The following SYT9 variants were observed in gnomAD, a reference collection of about 807,000 sequenced individuals.
SYT9 encodes synaptotagmin-9.
Under a neutral mutation model 48.4 loss-of-function variants are expected in SYT9, and 22 were observed. The ratio of observed to expected loss-of-function variants is 0.45; its 90% CI spans 0.32 to 0.65. SYT9 has a LOEUF of 0.65. Among genes scored for constraint, SYT9 ranks in the 30% least tolerant of loss-of-function variants. The probability of loss-of-function intolerance (pLI) is 0.03; values close to 1 mark genes in which losing one functional copy is unlikely to be tolerated. For synonymous variants in SYT9, 265 were observed against 245.0 expected, an observed-to-expected ratio of 1.08 and a Z score of -0.76; for missense variants, 577 against 622.0, an observed-to-expected ratio of 0.93 and a Z score of 0.77.
At chr11:7,342,913 C>G (rs1849738496) in intron 3 of SYT9, among the ~76,000 whole-genome samples, 1 of 152,240 alleles carries the variant, frequency 6.6e-6, no homozygotes, top group African/African-American at 2.4e-5. Flanking sequence ...TGTGCACCCA[C>G]AGGCTCAACA....
intron 3 of SYT9, among the ~76,000 whole-genome samples, chr11:7,375,286 T>G (rs946908119): frequency 3.9e-5 from 6 of 152,220 alleles, no homozygotes; most frequent in Non-Finnish European, 2.9e-5. Flanking sequence ...ATGTATCTTT[T>G]GGTACCAGTA....
Position 7,432,583 on chromosome 11 carries a change from ATATATATACATAT to A in SYT9, c.1467+11949_1467+11961del, listed in dbSNP as rs1301828760. Among the ~76,000 whole-genome samples the A allele has an allele frequency of 7.2e-3, 21 of 2,900 alleles. 1 individual carries two copies. The highest frequency in any genetic ancestry group is 0.048 in the South Asian group (3 of 62). 1.9% of individuals were successfully genotyped at this position (2,900 alleles called of 152,430 possible). On this transcript the variant is annotated intron_variant, in intron 6 of 6. Transcript: ENST00000318881. ...AAAAAAAAAAAAAAAAAAAAAAAAA[ATATATATACATAT>A]ATATATATATATATATATATATATA...
chr11:7,462,855 C>A (rs1848259543), intron 6 of SYT9, among the ~76,000 whole-genome samples: 1 of 152,134 alleles, frequency 6.6e-6, no homozygotes, highest in Non-Finnish European at 1.5e-5. Context: ...GAGATATTAT[C>A]TAATGTTTCA....
chr11:7,438,619 C>T (rs1847761233), intron 6 of SYT9: 2 of 152,494 alleles, frequency 1.3e-5, no homozygotes, highest in South Asian at 4.1e-4. Context: ...CTGCCCTCTT[C>T]CAACCTGGCT....
intron 6 of SYT9, chr11:7,439,403 C>T (rs774595601): frequency 2.0e-5 from 3 of 152,262 alleles, no homozygotes; most frequent in Admixed American, 6.5e-5. Flanking sequence ...CGTGTCTAAT[C>T]TCAAGCAGCC....
chr11:7,312,262 T>G (rs1230566900), intron 2 of SYT9, among the ~76,000 whole-genome samples: 1 of 152,178 alleles, frequency 6.6e-6, no homozygotes, highest in Non-Finnish European at 1.5e-5. Context: ...CTTAATTCCA[T>G]TTTTACGTCT....
intron 6 of SYT9, among the ~76,000 whole-genome samples, chr11:7,432,758 A>G (rs1160928859): frequency 6.6e-6 from 1 of 151,200 alleles, no homozygotes; most frequent in East Asian, 1.9e-4. Flanking sequence ...ATTGTATCTT[A>G]GAAGTAAATG....
intron 6 of SYT9, chr11:7,444,195 A>G (rs953625374): frequency 2.0e-5 from 3 of 152,234 alleles, no homozygotes; most frequent in Non-Finnish European, 4.4e-5. Flanking sequence ...CTAGGGGAGG[A>G]AGAAGGGTTT....
intron 1 of SYT9, among the ~76,000 whole-genome samples, chr11:7,262,399 A>G (rs2119816594): frequency 6.6e-6 from 1 of 152,188 alleles, no homozygotes; most frequent in Non-Finnish European, 1.5e-5. Flanking sequence ...GAAGGTATAA[A>G]CATGGGAGTC....
intron 3 of SYT9, among the ~76,000 whole-genome samples, chr11:7,331,953 T>A (rs1418408396): frequency 1.3e-5 from 2 of 151,956 alleles, no homozygotes; most frequent in Non-Finnish European, 2.9e-5. Flanking sequence ...ACCTAAGAGG[T>A]GGATAGTAAA....
At chr11:7,432,571 AAAAAAAAAAAAATATATATAC>A (rs1564901947) in intron 6 of SYT9, among the ~76,000 whole-genome samples, 27 of 13,070 alleles carry the variant, frequency 2.1e-3, no homozygotes, top group African/African-American at 6.4e-3. Flanking sequence ...AAAAAAAAAA[AAAAAAAAAAAAATATATATAC>A]ATATATATAT....
intron 1 of SYT9, among the ~76,000 whole-genome samples, chr11:7,281,424 GT>G (rs1848490448): frequency 6.6e-6 from 1 of 152,194 alleles, no homozygotes; most frequent in Non-Finnish European, 1.5e-5. Flanking sequence ...CAGCAAAACT[GT>G]TTTTGATACC....
chr11:7,416,375 C>T (rs1847249378), intron 4 of SYT9, among the ~76,000 whole-genome samples: 1 of 152,140 alleles, frequency 6.6e-6, no homozygotes, highest in Non-Finnish European at 1.5e-5. Context: ...TAGCGTCTGG[C>T]TCACCGGGCT....
At chr11:7,328,506 C>T (rs906656434) in intron 3 of SYT9, among the ~76,000 whole-genome samples, 13 of 152,056 alleles carry the variant, frequency 8.5e-5, no homozygotes, top group East Asian at 5.8e-4. Context: ...ATTAAACCTC[C>T]GTCAAAACTA....
chr11:7,360,242 T>G (rs992113497), intron 3 of SYT9, among the ~76,000 whole-genome samples: 2 of 152,156 alleles, frequency 1.3e-5, no homozygotes, highest in Non-Finnish European at 2.9e-5. Flanking sequence ...CCATGCTGTT[T>G]TGGTTACTGT....
At chr11:7,449,322 C>CAAAAAAAA (rs759372659) in intron 6 of SYT9, among the ~76,000 whole-genome samples, 1 of 44,766 alleles carries the variant, frequency 2.2e-5, no homozygotes, top group Non-Finnish European at 4.7e-5. Flanking sequence ...GACTCCACCT[C>CAAAAAAAA]AAAAAAAAAA....
intron 3 of SYT9, among the ~76,000 whole-genome samples, chr11:7,398,221 T>G (rs1321835347): frequency 6.6e-6 from 1 of 152,206 alleles, no homozygotes; most frequent in Non-Finnish European, 1.5e-5. Flanking sequence ...CATGTTTTTT[T>G]TAGTCTATGA....
intron 1 of SYT9, among the ~76,000 whole-genome samples, chr11:7,297,233 A>G (rs1564851757): frequency 6.6e-6 from 1 of 152,190 alleles, no homozygotes; most frequent in Non-Finnish European, 1.5e-5. Flanking sequence ...GATTCTGCCT[A>G]CCAAAATATG....
chr11:7,308,641 A>C (rs1485841768), intron 2 of SYT9, among the ~76,000 whole-genome samples: 1 of 152,196 alleles, frequency 6.6e-6, no homozygotes, highest in East Asian at 1.9e-4. Flanking sequence ...GCCCAGCTCA[A>C]GTATCATCTC....
Sources: allele counts gnomAD v4.1 joint callset (sites outside exome capture counted in the v4.1 genomes callset), GRCh38; gene constraint gnomAD v4.1.1; transcripts MANE v1.5; gene names NCBI Gene and HGNC (gene_info 2026-07-23, HGNC 2026-07-21).